STON2: variants seen among roughly 807,000 people sequenced by gnomAD.
STON2 encodes the protein stonin 2, also known as stonin-2.
In STON2, 29 loss-of-function variants were observed where a neutral mutation model predicts 65.7. The ratio of observed to expected loss-of-function variants is 0.44; its 90% confidence interval spans 0.33 to 0.60. STON2 has a LOEUF of 0.60. Among genes scored for constraint, STON2 ranks in the 20% least tolerant of loss-of-function variants. The pLI is 0.03. For synonymous variants in STON2, 404 were observed against 414.2 expected (o/e 0.98, Z 0.30); for missense variants, 1,054 against 1,118.1 (o/e 0.94, Z 0.82).
At chr14:81,422,133 G>A (rs532279070) in intron 2 of STON2, among the ~76,000 whole-genome samples, 38 of 152,184 alleles carry the variant, frequency 2.5e-4, no homozygotes, top group Non-Finnish European at 5.3e-4. Flanking sequence ...GTCTCCTGTT[G>A]TAGTTTGATC....
chr14:81,424,669 C>T (rs10146094), intron 2 of STON2, among the ~76,000 whole-genome samples: 26,684 of 152,046 alleles, frequency 0.18, 3,211 homozygotes, highest in African/African-American at 0.32. Flanking sequence ...TCACCACAGA[C>T]AATGGGACAG....
At chr14:81,424,335 T>C (rs187583674) in intron 2 of STON2, among the ~76,000 whole-genome samples, 12 of 152,090 alleles carry the variant, frequency 7.9e-5, no homozygotes, top group Admixed American at 6.5e-4. Flanking sequence ...CCCCAGCTAC[T>C]TGGGAGGCTG....
intron 4 of STON2, among the ~76,000 whole-genome samples, chr14:81,335,829 A>G (rs1478046507): frequency 6.6e-6 from 1 of 152,192 alleles, no homozygotes; most frequent in Non-Finnish European, 1.5e-5. Context: ...TTGAGTAGGA[A>G]TTCATGGAGC....
Position 81,342,014 on chromosome 14 carries a change from C to T in STON2, c.572-17827G>A, listed in dbSNP as rs566212763. 2.0e-4 allele frequency among the ~76,000 whole-genome samples: 30 copies of T among 152,288 alleles called. 1 individual carries two copies. The East Asian group carries it at 3.3e-3, about 17-fold the overall frequency. On this transcript the variant is annotated intron_variant, in intron 4 of 7. Transcript: ENST00000614646. ...ATTCACAGGCACTGATCTAGGAGTT[C>T]AGATGCTGGCTCACATAATACATGT...
chr14:81,352,431 T>TA (rs1241672328), intron 4 of STON2, among the ~76,000 whole-genome samples: 1 of 152,170 alleles, frequency 6.6e-6, no homozygotes, highest in Non-Finnish European at 1.5e-5. Context: ...AATAAAGATG[T>TA]AAATCATCCA....
At chr14:81,272,283 T>G (rs1203649268) in intron 6 of STON2, among the ~76,000 whole-genome samples, 2 of 152,162 alleles carry the variant, frequency 1.3e-5, no homozygotes, top group African/African-American at 2.4e-5. Flanking sequence ...CTTAACCACT[T>G]TGTCTGAGTT....
At chr14:81,307,891 G>C (rs979202272) in intron 5 of STON2, among the ~76,000 whole-genome samples, 1 of 152,084 alleles carries the variant, frequency 6.6e-6, no homozygotes, top group Non-Finnish European at 1.5e-5. Context: ...GTCAACAGTT[G>C]GCTATTTTAG....
chr14:81,371,285 A>G lies in STON2; in HGVS notation c.374-100T>C. The G allele has an allele frequency of 3.6e-6, 4 of 1,115,324 alleles. No individual in the cohort carries two copies. The South Asian group carries it at 5.9e-5, about 16-fold the overall frequency. 69.1% of individuals were successfully genotyped at this position (1,115,324 alleles called of 1,614,324 possible). On this transcript the variant is annotated intron_variant, in intron 3 of 7. Coordinates refer to ENST00000614646, the MANE Select transcript of STON2 (RefSeq NM_001394390.1). ...TTTGATGTTGCTCACATCATATGAA[A>G]TCTCAACAGTCATATGAGGCAAGGA...
At chr14:81,336,564 G>A (rs999346906) in intron 4 of STON2, among the ~76,000 whole-genome samples, 5 of 152,080 alleles carry the variant, frequency 3.3e-5, no homozygotes, top group Admixed American at 3.3e-4. Flanking sequence ...TGGTAGAAGT[G>A]GACCCTGCTG....
rs891791018 is a variant in STON2 at position 81,263,607 on chromosome 14, G to A, written c.*4807C>T. The stretch of plus-strand genomic sequence containing the variant: ...TTGGCCATGTTTTTAAAGCTCATCA[G>A]CTGTTGTTACTGTATTTTATGTGTG... On this transcript the variant is annotated 3_prime_UTR_variant, in exon 8 of 8. Transcript: ENST00000614646. 2 of 335,850 alleles carry A rather than the reference G, an allele frequency of 6.0e-6. No individual in the cohort carries two copies. Among genetic ancestry groups the A allele is most frequent in the Non-Finnish European group, 8.4e-6 (2 of 237,676 alleles). The allele number at this position is 335,850 out of a possible 1,614,324, so 20.8% of individuals were successfully genotyped here.
intron 3 of STON2, among the ~76,000 whole-genome samples, chr14:81,383,280 CT>C (rs1466684969): frequency 6.6e-6 from 1 of 152,148 alleles, no homozygotes; most frequent in Non-Finnish European, 1.5e-5. Context: ...TTTTTCTCAC[CT>C]GTAAAATGGA....
At position 81,398,482 on chromosome 14, in the gene STON2, T is replaced by G; in HGVS notation, c.-100A>C. 2 of 876,758 alleles carry G rather than the reference T, an allele frequency of 2.3e-6. No individual in the cohort carries two copies. The highest frequency in any genetic ancestry group is 3.7e-6 in the Non-Finnish European group (2 of 536,272). 54.3% of individuals were successfully genotyped at this position (876,758 alleles called of 1,614,324 possible). A position where few individuals can be genotyped will look rare whatever the true frequency, so the allele number is the denominator to read the frequency against. On this transcript the variant is annotated 5_prime_UTR_variant, in exon 2 of 8. Coordinates refer to ENST00000614646, the MANE Select transcript of STON2 (RefSeq NM_001394390.1). ...GTAGGGGTATGGTAGTACGGTAGACTTGGGTCCAGGGTCTGTTCTAGGTGT... is the reference window on the plus strand; with the variant it reads ...GTAGGGGTATGGTAGTACGGTAGACGTGGGTCCAGGGTCTGTTCTAGGTGT...
intron 3 of STON2, 148 bp downstream of exon 3, chr14:81,395,746 A>G (rs1900281488): frequency 5.2e-6 from 4 of 762,876 alleles, no homozygotes; most frequent in Non-Finnish European, 6.6e-6. Context: ...ATTAAACCAG[A>G]TGAGAACTCC....
chr14:81,349,528 C>T (rs1897944144), intron 4 of STON2, among the ~76,000 whole-genome samples: 1 of 151,890 alleles, frequency 6.6e-6, no homozygotes, highest in South Asian at 2.1e-4. Context: ...AAATCAAAGC[C>T]ACAATGAGAC....
chr14:81,318,276 C>T (rs1481953734), intron 5 of STON2, among the ~76,000 whole-genome samples: 1 of 152,012 alleles, frequency 6.6e-6, no homozygotes, highest in Non-Finnish European at 1.5e-5. Context: ...AGTTTCTTTC[C>T]CTTCAAAATT....
chr14:81,409,392 G>T (rs564565599), intron 2 of STON2, among the ~76,000 whole-genome samples: 3 of 150,534 alleles, frequency 2.0e-5, no homozygotes, highest in Non-Finnish European at 4.4e-5. Context: ...GTGACAGAGT[G>T]AGACTCCATC....
intron 4 of STON2, among the ~76,000 whole-genome samples, chr14:81,354,663 A>ACCG (rs1898152949): frequency 6.6e-6 from 1 of 152,228 alleles, no homozygotes; most frequent in African/African-American, 2.4e-5. Context: ...TTTGACAAAA[A>ACCG]AATAGAAACA....
chr14:81,414,914 GGCT>G, intron 2 of STON2, among the ~76,000 whole-genome samples: 1 of 152,114 alleles, frequency 6.6e-6, no homozygotes, highest in East Asian at 1.9e-4. Context: ...ATGCTTGCTG[GGCT>G]GCAGAGTGTT....
intron 4 of STON2, among the ~76,000 whole-genome samples, chr14:81,345,636 T>C (rs1480460932): frequency 6.6e-6 from 1 of 152,062 alleles, no homozygotes; most frequent in African/African-American, 2.4e-5. Flanking sequence ...TGGCACATTC[T>C]TGTAGTCCCA....
Sources: gnomAD v4.1 joint callset for allele counts (sites outside exome capture counted in the v4.1 genomes callset) on GRCh38, gnomAD v4.1.1 for gene constraint, MANE v1.5 for transcripts, NCBI Gene and HGNC (gene_info 2026-07-23, HGNC 2026-07-21) for gene names.